The following TMEM17 variants were observed in gnomAD, a reference collection of about 807,000 sequenced individuals.
TMEM17 encodes the protein transmembrane protein 17.
In TMEM17, 15 loss-of-function variants were observed where a neutral mutation model predicts 19.1. That is an observed-to-expected ratio of 0.78 (90% confidence interval 0.52 to 1.21). The LOEUF (loss-of-function observed/expected upper bound fraction) is 1.21, where lower values mean the gene tolerates loss of function less well. Ranked by LOEUF, TMEM17 falls within the 50% of genes most tolerant of loss-of-function variation. The pLI is 0.00. For synonymous variants in TMEM17, 103 were observed against 86.9 expected (o/e 1.19, Z -1.03); for missense variants, 245 against 242.3 (o/e 1.01, Z -0.07).
At chr2:62,472,550 G>C in the TMEM17 span, among the ~76,000 whole-genome samples, 3 of 152,190 alleles carry the variant, frequency 2.0e-5, no homozygotes, top group Admixed American at 2.0e-4. Flanking sequence ...TGCTGGGGAT[G>C]GAAGTTTTGC....
At chr2:62,456,556 C>T in the TMEM17 span, among the ~76,000 whole-genome samples, 1 of 152,238 alleles carries the variant, frequency 6.6e-6, no homozygotes, top group African/African-American at 2.4e-5. Context: ...TTCAGTCACA[C>T]CAGCAAAGTC....
At chr2:62,466,378 C>T in the TMEM17 span, among the ~76,000 whole-genome samples, 15 of 152,242 alleles carry the variant, frequency 9.9e-5, no homozygotes, top group Admixed American at 2.0e-4. Flanking sequence ...TGGTCCCAGA[C>T]GCTGAAGCGC....
the TMEM17 span, among the ~76,000 whole-genome samples, chr2:62,459,390 G>C: frequency 6.6e-6 from 1 of 152,228 alleles, no homozygotes; most frequent in Non-Finnish European, 1.5e-5. Context: ...GAATAGTTGA[G>C]GCCTTTGTCC....
At chr2:62,503,722 G>A (rs1282613765) in intron 1 of TMEM17, among the ~76,000 whole-genome samples, 1 of 152,168 alleles carries the variant, frequency 6.6e-6, no homozygotes, top group East Asian at 1.9e-4. Flanking sequence ...CTCATTGCAA[G>A]CACACACCAT....
At chr2:62,455,564 C>G in the TMEM17 span, among the ~76,000 whole-genome samples, 1 of 152,194 alleles carries the variant, frequency 6.6e-6, no homozygotes, top group African/African-American at 2.4e-5. Context: ...GTCAGGAGTT[C>G]AAGACCAGCC....
the TMEM17 span, among the ~76,000 whole-genome samples, chr2:62,454,905 T>C: frequency 2.0e-5 from 3 of 152,178 alleles, no homozygotes; most frequent in Non-Finnish European, 4.4e-5. Context: ...AGGGTTTCAC[T>C]GTGTTAGCCC....
chr2:62,490,208 T>C, the TMEM17 span, among the ~76,000 whole-genome samples: 2 of 152,158 alleles, frequency 1.3e-5, no homozygotes, highest in African/African-American at 4.8e-5. Context: ...GAGTTCCTTA[T>C]TATTTCTGTA....
At chr2:62,488,849 G>A in the TMEM17 span, among the ~76,000 whole-genome samples, 1 of 133,920 alleles carries the variant, frequency 7.5e-6, no homozygotes. Flanking sequence ...CCTTAGCACA[G>A]CTTCTCTGCT....
At chr2:62,489,246 C>T in the TMEM17 span, among the ~76,000 whole-genome samples, 1 of 152,222 alleles carries the variant, frequency 6.6e-6, no homozygotes. Flanking sequence ...TGGAGAGTCT[C>T]AACGCTGTTT....
downstream of TMEM17, among the ~76,000 whole-genome samples, chr2:62,497,686 T>C (rs1411491135): frequency 6.6e-6 from 1 of 152,234 alleles, no homozygotes; most frequent in Non-Finnish European, 1.5e-5. Flanking sequence ...AACTTTTTGC[T>C]TGCATAGGCA....
At chr2:62,496,313 T>C (rs992461105), downstream of TMEM17, among the ~76,000 whole-genome samples, 3 of 152,240 alleles carry the variant, frequency 2.0e-5, no homozygotes, top group African/African-American at 4.8e-5. Flanking sequence ...ATCTGGCTTA[T>C]TAATTAAAAG....
At chr2:62,485,094 C>T in the TMEM17 span, among the ~76,000 whole-genome samples, 10 of 152,322 alleles carry the variant, frequency 6.6e-5, no homozygotes, top group Middle Eastern at 3.4e-3. Context: ...TGTGCCAACA[C>T]GCCCGGCTAA....
chr2:62,478,540 G>A, the TMEM17 span, among the ~76,000 whole-genome samples: 24 of 152,308 alleles, frequency 1.6e-4, no homozygotes, highest in Non-Finnish European at 2.8e-4. Context: ...GAGGCAACTA[G>A]ACTGAAAAGG....
the TMEM17 span, among the ~76,000 whole-genome samples, chr2:62,462,065 GT>G: frequency 6.6e-6 from 1 of 152,206 alleles, no homozygotes; most frequent in African/African-American, 2.4e-5. Context: ...CTGTTTCTCA[GT>G]GTTTTCAGCC....
In TMEM17 at chr2:62,501,238, T is replaced by G; in HGVS notation, c.568A>C (p.Arg190=). ...ATCTCTTCTATACATGACCTCATCCTTCTCATGTCTCCTCTGTTTGCAGAG... is the reference window on the plus strand; with the variant it reads ...ATCTCTTCTATACATGACCTCATCCGTCTCATGTCTCCTCTGTTTGCAGAG... The part of the protein sequence containing the change: ...RLSANRGDMR[R]MRSCIEEI The change falls in exon 4 of 4, where the codon AGG becomes CGG. Residue 190 remains arginine (R), a synonymous_variant. Coordinates refer to ENST00000335390, the MANE Select transcript of TMEM17 (RefSeq NM_198276.3). 6.2e-7 allele frequency: 1 copy of G among 1,614,226 alleles called. No individual in the cohort carries two copies. The highest frequency in any genetic ancestry group is 8.5e-7 in the Non-Finnish European group (1 of 1,180,034).
chr2:62,502,030 T>C (rs1264783038), intron 3 of TMEM17: 2 of 163,784 alleles, frequency 1.2e-5, no homozygotes, highest in Admixed American at 1.2e-4. Flanking sequence ...GGCAGCATGA[T>C]GATGCAGAAA....
chr2:62,496,181 A>G (rs1679773936), downstream of TMEM17, among the ~76,000 whole-genome samples: 1 of 152,192 alleles, frequency 6.6e-6, no homozygotes, highest in Admixed American at 6.5e-5. Flanking sequence ...GTCCTTGTCA[A>G]AATATTCATT....
At chr2:62,453,908 G>A in the TMEM17 span, among the ~76,000 whole-genome samples, 127 of 152,318 alleles carry the variant, frequency 8.3e-4, 1 homozygote, top group African/African-American at 2.9e-3. Flanking sequence ...GGTAAGAGTG[G>A]GAGAAATTTG....
the TMEM17 span, among the ~76,000 whole-genome samples, chr2:62,469,944 C>T: frequency 2.0e-5 from 3 of 152,202 alleles, no homozygotes; most frequent in Non-Finnish European, 2.9e-5. Flanking sequence ...AGTCCATCCC[C>T]ACTCCAGTCC....
Sources: allele counts gnomAD v4.1 joint callset (sites outside exome capture counted in the v4.1 genomes callset), GRCh38; gene constraint gnomAD v4.1.1; transcripts MANE v1.5; gene names NCBI Gene and HGNC (gene_info 2026-07-23, HGNC 2026-07-21).